Variants in EXOC6B observed in about 807,000 individuals in gnomAD.
EXOC6B encodes exocyst complex component 6B.
In EXOC6B, 54 loss-of-function variants were observed where a neutral mutation model predicts 113.5. That is an observed-to-expected ratio of 0.48 (90% confidence interval 0.38 to 0.60). The LOEUF is 0.60. Ranked by LOEUF, EXOC6B falls within the 20% of genes least tolerant of loss-of-function variation. EXOC6B has a pLI of 0.00. For synonymous variants in EXOC6B, 357 were observed against 339.0 expected (o/e 1.05, Z -0.58); for missense variants, 797 against 977.5 (o/e 0.82, Z 2.46).
intron 6 of EXOC6B, among the ~76,000 whole-genome samples, chr2:72,627,944 T>C (rs1672161265): frequency 1.3e-5 from 2 of 152,196 alleles, no homozygotes; most frequent in Admixed American, 6.5e-5. Context: ...TGAATACATT[T>C]GTTGTTCTTA....
At chr2:72,444,947 C>G (rs1478369154) in intron 18 of EXOC6B, among the ~76,000 whole-genome samples, 2 of 152,202 alleles carry the variant, frequency 1.3e-5, no homozygotes, top group Non-Finnish European at 2.9e-5. Flanking sequence ...CAAATTTCTG[C>G]AGCTGGCTTG....
intron 20 of EXOC6B, among the ~76,000 whole-genome samples, chr2:72,258,029 T>C: frequency 6.6e-6 from 1 of 152,352 alleles, no homozygotes; most frequent in East Asian, 1.9e-4. Context: ...GCTTACTCAC[T>C]AAATTTCATA....
intron 20 of EXOC6B, among the ~76,000 whole-genome samples, chr2:72,196,448 T>G (rs1679174065): frequency 6.6e-6 from 1 of 152,180 alleles, no homozygotes; most frequent in Admixed American, 6.5e-5. Context: ...ATTAACTTCT[T>G]AAGATCTTTA....
At chr2:72,814,228 C>T (rs1686088576) in intron 1 of EXOC6B, among the ~76,000 whole-genome samples, 1 of 152,176 alleles carries the variant, frequency 6.6e-6, no homozygotes, top group South Asian at 2.1e-4. Flanking sequence ...TCACTTTTGG[C>T]AAATGGCCTT....
rs1328089605 is a variant in EXOC6B at position 72,768,386 on chromosome 2, G to A, written c.114-26917C>T. 3.3e-5 allele frequency among the ~76,000 whole-genome samples: 5 copies of A among 150,992 alleles called. 1 individual carries two copies. Among genetic ancestry groups the A allele is most frequent in the African/African-American group, 1.2e-4 (5 of 41,068 alleles). On this transcript the variant is annotated intron_variant, in intron 1 of 21. Transcript: ENST00000272427. ...GGCTCACTGCAACCTCCGCCTACCG[G>A]GTTCAAGCCATTCTCTTGCCGCAGC...
intron 8 of EXOC6B, among the ~76,000 whole-genome samples, chr2:72,554,955 T>C (rs1342426966): frequency 6.6e-6 from 1 of 152,078 alleles, no homozygotes; most frequent in Non-Finnish European, 1.5e-5. Flanking sequence ...CCGCCCTGTG[T>C]CCATGTGTTC....
At chr2:72,466,083 G>C (rs913073809) in intron 17 of EXOC6B, among the ~76,000 whole-genome samples, 2 of 152,124 alleles carry the variant, frequency 1.3e-5, no homozygotes, top group Non-Finnish European at 2.9e-5. Context: ...AGTGGCTCAT[G>C]CGTGTAATCC....
rs552467535 is a variant in EXOC6B, at chr2:72,372,914, A to T, written c.2122+6815T>A. Among the ~76,000 whole-genome samples the T allele has an allele frequency of 3.9e-5, 6 of 152,234 alleles. 1 individual carries two copies. The South Asian group carries it at 1.2e-3, about 32-fold the overall frequency. On this transcript the variant is annotated intron_variant, in intron 19 of 21. Coordinates refer to ENST00000272427, the MANE Select transcript of EXOC6B (RefSeq NM_015189.3). The stretch of plus-strand genomic sequence containing the variant: ...TATGGTGGGAAAACTAGAAATCCAT[A>T]TGCAAAATAATGAAACTAGACCCCT...
intron 6 of EXOC6B, among the ~76,000 whole-genome samples, chr2:72,679,802 A>G (rs1676561314): frequency 6.6e-6 from 1 of 152,204 alleles, no homozygotes; most frequent in Non-Finnish European, 1.5e-5. Flanking sequence ...GCTTGGCTGG[A>G]AACAATGATT....
At chr2:72,708,217 A>C (rs1679015894) in intron 6 of EXOC6B, among the ~76,000 whole-genome samples, 1 of 152,206 alleles carries the variant, frequency 6.6e-6, no homozygotes, top group African/African-American at 2.4e-5. Context: ...CAAACATATA[A>C]ACAATAGATA....
At chr2:72,685,946 AG>A (rs1040807807) in intron 6 of EXOC6B, among the ~76,000 whole-genome samples, 6 of 152,158 alleles carry the variant, frequency 3.9e-5, no homozygotes, top group African/African-American at 1.4e-4. Flanking sequence ...ATTTTTTTGA[AG>A]GGGTTTATTT....
At chr2:72,191,021 T>C (rs1678798044) in intron 20 of EXOC6B, among the ~76,000 whole-genome samples, 1 of 152,220 alleles carries the variant, frequency 6.6e-6, no homozygotes, top group Non-Finnish European at 1.5e-5. Flanking sequence ...GTTATCTGTT[T>C]GTGGTATTTA....
At chr2:72,637,473 C>A (rs1455531693) in intron 6 of EXOC6B, among the ~76,000 whole-genome samples, 1 of 152,100 alleles carries the variant, frequency 6.6e-6, no homozygotes, top group Non-Finnish European at 1.5e-5. Flanking sequence ...GGGCAAAGGA[C>A]ATGAACAGAA....
chr2:72,639,585 A>G (rs115816624), intron 6 of EXOC6B, among the ~76,000 whole-genome samples: 2,177 of 152,236 alleles, frequency 0.014, 47 homozygotes, highest in African/African-American at 0.05. Context: ...TGCACTACCA[A>G]ACGTTATGGT....
intron 18 of EXOC6B, among the ~76,000 whole-genome samples, chr2:72,381,015 C>A (rs1367576695): frequency 1.3e-5 from 2 of 152,148 alleles, no homozygotes. Context: ...AACGTATCCC[C>A]TAAACATTAC....
intron 1 of EXOC6B, among the ~76,000 whole-genome samples, chr2:72,793,002 T>C (rs1226962505): frequency 6.6e-6 from 1 of 152,230 alleles, no homozygotes; most frequent in African/African-American, 2.4e-5. Flanking sequence ...TCAATCCATG[T>C]TGTTCTGCCT....
At chr2:72,635,671 AAGC>A (rs1481869408) in intron 6 of EXOC6B, among the ~76,000 whole-genome samples, 5 of 152,214 alleles carry the variant, frequency 3.3e-5, no homozygotes, top group African/African-American at 1.2e-4. Flanking sequence ...CTTTTCCAGA[AAGC>A]AGAAGAGGAA....
Position 72,350,775 on chromosome 2 carries a change from A to T in EXOC6B, c.2123-15755T>A, listed in dbSNP as rs568072160. Among the ~76,000 whole-genome samples, 5 of 152,214 alleles carry T rather than the reference A, an allele frequency of 3.3e-5. No individual in the cohort carries two copies. The South Asian group carries it at 6.2e-4, about 19-fold the overall frequency. Reference sequence around the variant, plus strand: ...AGATTGGTGTTTAAAGGGAATTTAGATTAGTTTGAGGAAAAGGAAATGAAC... The same window carrying T: ...AGATTGGTGTTTAAAGGGAATTTAGTTTAGTTTGAGGAAAAGGAAATGAAC... On this transcript the variant is annotated intron_variant, in intron 19 of 21. Transcript: ENST00000272427.
intron 1 of EXOC6B, among the ~76,000 whole-genome samples, chr2:72,743,449 A>G (rs1039464385): frequency 6.6e-6 from 1 of 151,862 alleles, no homozygotes; most frequent in Non-Finnish European, 1.5e-5. Flanking sequence ...AGTTCCAGCT[A>G]CCCTGGCTTT....
Sources: gnomAD v4.1 joint callset for allele counts (sites outside exome capture counted in the v4.1 genomes callset) on GRCh38, gnomAD v4.1.1 for gene constraint, MANE v1.5 for transcripts, NCBI Gene and HGNC (gene_info 2026-07-23, HGNC 2026-07-21) for gene names.